Variants in CORIN observed in about 807,000 individuals in gnomAD.
CORIN encodes corin, serine peptidase, also known as atrial natriuretic peptide-converting enzyme.
A neutral mutation model predicts 125.3 loss-of-function variants in CORIN; 117 were observed. That is an observed-to-expected ratio of 0.93 (90% CI 0.80 to 1.09). CORIN has a LOEUF of 1.09. CORIN is among the 50% of genes least tolerant of loss of function. CORIN has a pLI of 0.00. For missense variants in CORIN, 1,253 were observed against 1,306.7 expected, an observed-to-expected ratio of 0.96 and a Z score of 0.63; for synonymous variants, 450 against 466.4, an observed-to-expected ratio of 0.96 and a Z score of 0.45.
At chr4:47,646,779 G>C (rs1052211332) in intron 13 of CORIN, among the ~76,000 whole-genome samples, 3 of 152,166 alleles carry the variant, frequency 2.0e-5, no homozygotes, top group East Asian at 1.9e-4. Context: ...TTTAAGGTCA[G>C]TGAAATGCAA....
chr4:47,789,931 A>G (rs1255945486), intron 2 of CORIN, among the ~76,000 whole-genome samples: 1 of 152,152 alleles, frequency 6.6e-6, no homozygotes, highest in Non-Finnish European at 1.5e-5. Flanking sequence ...CTGAGGCAGG[A>G]GAATGGCATG....
chr4:47,600,314 A>G lies in CORIN; in HGVS notation c.2846T>C (p.Ile949Thr). The stretch of plus-strand genomic sequence containing the variant: ...GGACTGACAATGTTCCAGAGAAATA[A>G]TGCGGACCTCTCCCTCTTGCAGCTT... ...PFKLQEGEVR[I>T]ISLEHCQSYF... Residue 949 changes from isoleucine to threonine, a missense_variant, in exon 21 of 22, where the codon ATT becomes ACT. Ile to Thr is a moderately conservative substitution (Grantham distance 89, BLOSUM62 -1). Transcript: ENST00000273857. 1 of 1,613,352 alleles carries G rather than the reference A, an allele frequency of 6.2e-7. No individual in the cohort carries two copies. The highest frequency in any genetic ancestry group is 8.5e-7 in the Non-Finnish European group (1 of 1,179,550).
chr4:47,703,965 C>T (rs569014709), intron 5 of CORIN, among the ~76,000 whole-genome samples: 2 of 152,246 alleles, frequency 1.3e-5, no homozygotes, highest in African/African-American at 2.4e-5. Context: ...TTATTTAATA[C>T]GAACTTCTCT....
chr4:47,700,803 C>T (rs976154281), intron 5 of CORIN, among the ~76,000 whole-genome samples: 1 of 152,166 alleles, frequency 6.6e-6, no homozygotes, highest in Non-Finnish European at 1.5e-5. Context: ...ATCCTACATC[C>T]CCCTGCTTCC....
At chr4:47,658,086 A>G (rs1724075305) in intron 12 of CORIN, among the ~76,000 whole-genome samples, 1 of 152,196 alleles carries the variant, frequency 6.6e-6, no homozygotes, top group Non-Finnish European at 1.5e-5. Flanking sequence ...TCTACCTATG[A>G]GCCTGTAAAA....
chr4:47,750,298 G>A (rs1255145104), intron 4 of CORIN, among the ~76,000 whole-genome samples: 2 of 152,092 alleles, frequency 1.3e-5, no homozygotes, highest in Admixed American at 1.3e-4. Context: ...ATTTTTACAT[G>A]TGTCATTGTC....
intron 15 of CORIN, 42 bp from the exon 16 acceptor site, chr4:47,642,091 T>A: frequency 6.3e-7 from 1 of 1,597,562 alleles, no homozygotes; most frequent in Non-Finnish European, 8.5e-7. Flanking sequence ...TTAAAAACAT[T>A]TCTTCCCATG....
At chr4:47,614,353 G>C (rs542153887) in intron 19 of CORIN, among the ~76,000 whole-genome samples, 2 of 152,172 alleles carry the variant, frequency 1.3e-5, no homozygotes, top group South Asian at 4.2e-4. Context: ...CCACCACCAT[G>C]CCTGGCTAAT....
At position 47,637,961 on chromosome 4, in the gene CORIN, G is replaced by C. The variant is rs140910814; in HGVS notation, c.2198+3959C>G. Among the ~76,000 whole-genome samples, 491 of 151,268 alleles carry C rather than the reference G, an allele frequency of 3.2e-3. 2 individuals are homozygous for C. Among genetic ancestry groups the C allele is most frequent in the African/African-American group, 0.011 (470 of 41,260 alleles). Reference sequence around the variant, plus strand: ...TATGCCAGCTCATGAAAGCAGCTAGGAGGGAGGCTGTACCCTGCAAAGCCA... The same window carrying C: ...TATGCCAGCTCATGAAAGCAGCTAGCAGGGAGGCTGTACCCTGCAAAGCCA... On this transcript the variant is annotated intron_variant, in intron 16 of 21. Transcript: ENST00000273857.
In CORIN at chr4:47,819,396, A is replaced by T. The variant is rs184117087; in HGVS notation, c.64-12349T>A. Among the ~76,000 whole-genome samples the T allele has an allele frequency of 3.3e-5, 5 of 152,344 alleles. No individual in the cohort carries two copies. In the East Asian group the frequency reaches 9.6e-4, roughly 29 times the overall value. On this transcript the variant is annotated intron_variant, in intron 1 of 21. Transcript: ENST00000273857. Reference sequence around the variant, plus strand: ...GAGCAAAAATTACTGAACCTACAGAAAATATAGATAGGAAATGACTAAATT... The same window carrying T: ...GAGCAAAAATTACTGAACCTACAGATAATATAGATAGGAAATGACTAAATT...
intron 1 of CORIN, among the ~76,000 whole-genome samples, chr4:47,819,971 G>A (rs1276677325): frequency 6.6e-6 from 1 of 152,142 alleles, no homozygotes; most frequent in Non-Finnish European, 1.5e-5. Context: ...GATCCTAATT[G>A]AAACTGCTAT....
intron 1 of CORIN, among the ~76,000 whole-genome samples, chr4:47,808,799 G>A (rs2109955868): frequency 1.3e-5 from 2 of 152,254 alleles, no homozygotes; most frequent in South Asian, 4.1e-4. Context: ...CAAAGTTAGT[G>A]GCAGAAACAA....
intron 3 of CORIN, among the ~76,000 whole-genome samples, chr4:47,777,179 A>G (rs1055022597): frequency 4.6e-5 from 7 of 152,222 alleles, no homozygotes; most frequent in African/African-American, 1.7e-4. Context: ...ATGACATCCA[A>G]TAAATAGCTA....
chr4:47,694,695 A>G (rs1420414446), intron 5 of CORIN, among the ~76,000 whole-genome samples: 4 of 152,224 alleles, frequency 2.6e-5, no homozygotes, highest in Non-Finnish European at 5.9e-5. Flanking sequence ...TCATGTTCCT[A>G]GGACCCAGCG....
At chr4:47,799,106 G>GGT (rs764434569) in intron 2 of CORIN, among the ~76,000 whole-genome samples, 20,574 of 141,388 alleles carry the variant, frequency 0.15, 1,711 homozygotes, top group African/African-American at 0.26. Context: ...TATCCCATGG[G>GGT]GTGTGTGTGT....
At chr4:47,684,589 G>A (rs1725429028) in intron 6 of CORIN, among the ~76,000 whole-genome samples, 2 of 152,116 alleles carry the variant, frequency 1.3e-5, no homozygotes, top group Admixed American at 1.3e-4. Context: ...GTATGAAATT[G>A]GGACAAAATC....
At chr4:47,833,632 G>A (rs1003134975) in intron 1 of CORIN, among the ~76,000 whole-genome samples, 1 of 151,870 alleles carries the variant, frequency 6.6e-6, no homozygotes, top group Non-Finnish European at 1.5e-5. Flanking sequence ...CTATAAAGTG[G>A]GAGAAAATAT....
At chr4:47,745,445 C>G (rs1728619387) in intron 4 of CORIN, among the ~76,000 whole-genome samples, 1 of 152,234 alleles carries the variant, frequency 6.6e-6, no homozygotes, top group African/African-American at 2.4e-5. Flanking sequence ...TCAAAGCATA[C>G]ACTTCACAAA....
chr4:47,661,763 T>C lies in CORIN; in HGVS notation c.1683A>G (p.Pro561=), dbSNP rs1724257363. ...AGGTTTGATTGTCTGAATTTTCCTC[T>C]GGAAATTGACTGCAATCTGTGTCTT... is the stretch of plus-strand genomic sequence containing the variant. ...WPEDTDCSQF[P]EENSDNQTCL... is the part of the protein sequence containing the mutation. The change falls in exon 12 of 22, where the codon CCA becomes CCG. Residue 561 remains proline (P), a synonymous_variant. Transcript: ENST00000273857. 2 of 1,613,618 alleles carry C rather than the reference T, an allele frequency of 1.2e-6. No individual in the cohort carries two copies. The highest frequency in any genetic ancestry group is 2.7e-5 in the African/African-American group (2 of 74,944).
Sources: allele counts gnomAD v4.1 joint callset (sites outside exome capture counted in the v4.1 genomes callset), GRCh38; gene constraint gnomAD v4.1.1; transcripts MANE v1.5; gene names NCBI Gene and HGNC (gene_info 2026-07-23, HGNC 2026-07-21).